The following BCAS3 variants were observed in gnomAD, a reference collection of about 807,000 sequenced individuals.
The protein encoded by BCAS3 is BCAS4/BCAS3 fusion.
BCAS3 carries 53 observed loss-of-function variants against 116.1 expected under a neutral mutation model. The observed-to-expected ratio is 0.46, with a 90% confidence interval of 0.37 to 0.57. The LOEUF (loss-of-function observed/expected upper bound fraction) is 0.57, where lower values mean the gene tolerates loss of function less well. Among genes scored for constraint, BCAS3 ranks in the 20% least tolerant of loss-of-function variants. BCAS3 has a pLI of 0.00. For synonymous variants in BCAS3, 391 were observed against 408.2 expected, an observed-to-expected ratio of 0.96 and a Z score of 0.51; for missense variants, 917 against 1,165.4, an observed-to-expected ratio of 0.79 and a Z score of 3.10.
At position 61,344,848 on chromosome 17, in the gene BCAS3, G is replaced by A. The variant is rs1161018362; in HGVS notation, c.2426-23479G>A. ...AAGTAAGGGACAACCATGGCGAGGA[G>A]TTGCAATGTCACTCCAGCCCCTTGT... On this transcript the variant is annotated intron_variant, in intron 22 of 23. Transcript: ENST00000407086. The surrounding 1 kb of genome is among the most constrained non-coding windows in gnomAD (Gnocchi z 4.1). Among the ~76,000 whole-genome samples the A allele has an allele frequency of 6.6e-6, 1 of 152,042 alleles. No individual in the cohort carries two copies. Among genetic ancestry groups the A allele is most frequent in the Non-Finnish European group, 1.5e-5 (1 of 68,018 alleles).
rs1327731997 is a variant in BCAS3, at chr17:61,098,314, C to A, written c.2425+13750C>A. Among the ~76,000 whole-genome samples, 2 of 152,176 alleles carry A rather than the reference C, an allele frequency of 1.3e-5. No individual in the cohort carries two copies. Among genetic ancestry groups the A allele is most frequent in the Admixed American group, 1.3e-4 (2 of 15,274 alleles). Reference sequence around the variant, plus strand: ...AAAAATAGAGTCTTTGTCCCCCTTTCTGTTCTTAGTATTTAAGAGGCCTTC... The same window carrying A: ...AAAAATAGAGTCTTTGTCCCCCTTTATGTTCTTAGTATTTAAGAGGCCTTC... On this transcript the variant is annotated intron_variant, in intron 22 of 23. Coordinates refer to ENST00000407086, the MANE Select transcript of BCAS3 (RefSeq NM_017679.5). This position sits in a 1 kb window ranked among gnomAD's most constrained non-coding sequence, Gnocchi z 4.2.
Position 60,995,728 on chromosome 17 carries a change from C to A in BCAS3, c.1486+5493C>A, listed in dbSNP as rs969837350. 5.3e-5 allele frequency among the ~76,000 whole-genome samples: 8 copies of A among 152,114 alleles called. No homozygotes were observed. The highest frequency in any genetic ancestry group is 1.9e-4 in the African/African-American group (8 of 41,434). ...TCATAGTAACAACTTAAAAAAACAT[C>A]TCCAAGGTGTAGTCATTTGATCAAC... On this transcript the variant is annotated intron_variant, in intron 15 of 23. Transcript: ENST00000407086. This position sits in a 1 kb window ranked among gnomAD's most constrained non-coding sequence, Gnocchi z 4.7.
chr17:60,759,470 G>A (rs2043301937), intron 6 of BCAS3, among the ~76,000 whole-genome samples: 1 of 152,120 alleles, frequency 6.6e-6, no homozygotes, highest in Admixed American at 6.6e-5. Flanking sequence ...AGAGTGGGGA[G>A]TTGAAGCCCC....
At chr17:61,054,227 T>C (rs1289347782) in intron 19 of BCAS3, among the ~76,000 whole-genome samples, 2 of 152,214 alleles carry the variant, frequency 1.3e-5, no homozygotes, top group Non-Finnish European at 2.9e-5. Flanking sequence ...TGTTTCAACA[T>C]TAAAAGTTCT....
chr17:60,816,516 G>C (rs979044258), intron 7 of BCAS3, among the ~76,000 whole-genome samples: 2 of 151,852 alleles, frequency 1.3e-5, no homozygotes, highest in Non-Finnish European at 2.9e-5. Context: ...CTCGTGATCC[G>C]CCCGCCTCGG....
At chr17:60,919,479 C>T (rs1199666158) in intron 12 of BCAS3, among the ~76,000 whole-genome samples, 1 of 152,092 alleles carries the variant, frequency 6.6e-6, no homozygotes, top group Non-Finnish European at 1.5e-5. Flanking sequence ...TGTGTGCCAC[C>T]ACGCCCAGCT....
intron 6 of BCAS3, among the ~76,000 whole-genome samples, chr17:60,755,100 C>G (rs2042879450): frequency 1.3e-5 from 2 of 152,026 alleles, no homozygotes; most frequent in African/African-American, 4.8e-5. Context: ...AACAGTGTTT[C>G]TAGGGGAGAA....
rs967345681 is a variant in BCAS3, at chr17:61,088,740, A to G, written c.2425+4176A>G. Among the ~76,000 whole-genome samples the G allele has an allele frequency of 2.6e-5, 4 of 152,232 alleles. No homozygotes were observed. The highest frequency in any genetic ancestry group is 4.4e-5 in the Non-Finnish European group (3 of 68,040). On this transcript the variant is annotated intron_variant, in intron 22 of 23. Transcript: ENST00000407086. This position sits in a 1 kb window ranked among gnomAD's most constrained non-coding sequence, Gnocchi z 4.2. Reference sequence around the variant, plus strand: ...GTTTGTCCTGATTTGTGGTTTTACTATGGAGATGGATGTTTACTAACAAAG... The same window carrying G: ...GTTTGTCCTGATTTGTGGTTTTACTGTGGAGATGGATGTTTACTAACAAAG...
chr17:60,953,610 C>T (rs2060961545), intron 14 of BCAS3, among the ~76,000 whole-genome samples: 1 of 151,982 alleles, frequency 6.6e-6, no homozygotes, highest in Non-Finnish European at 1.5e-5. Flanking sequence ...GTTGTGATTG[C>T]TTTTGGTGTC....
In BCAS3 at chr17:61,235,526, G is replaced by C. The variant is rs1193214082; in HGVS notation, c.2426-132801G>C. Among the ~76,000 whole-genome samples the C allele has an allele frequency of 2.0e-5, 3 of 152,128 alleles. No individual in the cohort carries two copies. The highest frequency in any genetic ancestry group is 4.4e-5 in the Non-Finnish European group (3 of 68,030). On this transcript the variant is annotated intron_variant, in intron 22 of 23. Coordinates refer to ENST00000407086, the MANE Select transcript of BCAS3 (RefSeq NM_017679.5). The surrounding 1 kb of genome is among the most constrained non-coding windows in gnomAD (Gnocchi z 5.0). ...AATTTCATTCCAAACAGATTGTGAG[G>C]TGACTACGTAGTACAGAAGTACAGT...
intron 6 of BCAS3, among the ~76,000 whole-genome samples, chr17:60,766,501 T>G (rs2044109199): frequency 6.6e-6 from 1 of 152,224 alleles, no homozygotes; most frequent in Non-Finnish European, 1.5e-5. Context: ...AGACCCTCTT[T>G]GCCTGGGTAC....
intron 13 of BCAS3, among the ~76,000 whole-genome samples, chr17:60,933,023 A>C (rs967660576): frequency 6.6e-6 from 1 of 151,800 alleles, no homozygotes; most frequent in Non-Finnish European, 1.5e-5. Flanking sequence ...AAAAATACAA[A>C]AATTAGCTGG....
intron 12 of BCAS3, among the ~76,000 whole-genome samples, chr17:60,912,453 G>A (rs748380840): frequency 1.3e-4 from 19 of 151,992 alleles, no homozygotes; most frequent in Admixed American, 3.3e-4. Flanking sequence ...GATTAACAGC[G>A]TTTCAAGAAA....
At chr17:60,963,778 A>G (rs969025016) in intron 14 of BCAS3, among the ~76,000 whole-genome samples, 2 of 152,072 alleles carry the variant, frequency 1.3e-5, no homozygotes, top group Non-Finnish European at 2.9e-5. Flanking sequence ...GATGGTCTCG[A>G]TCTCCTGACC....
intron 22 of BCAS3, among the ~76,000 whole-genome samples, chr17:61,236,341 A>G (rs949238294): frequency 5.3e-5 from 8 of 152,112 alleles, no homozygotes; most frequent in Non-Finnish European, 1.2e-4. Context: ...TTGTTTTGAG[A>G]TGGAGTCTCG....
At chr17:61,263,978 T>C (rs1048057216) in intron 22 of BCAS3, among the ~76,000 whole-genome samples, 16 of 152,154 alleles carry the variant, frequency 1.1e-4, no homozygotes, top group Non-Finnish European at 1.3e-4. Flanking sequence ...TCATACACTG[T>C]TGGTAGAAGT....
At chr17:61,195,669 G>A (rs185563240) in intron 22 of BCAS3, among the ~76,000 whole-genome samples, 2 of 151,384 alleles carry the variant, frequency 1.3e-5, no homozygotes, top group Admixed American at 6.6e-5. Flanking sequence ...GTGAGCCACC[G>A]CACCCGGCCC....
chr17:60,966,165 C>T (rs2061650415), intron 14 of BCAS3, among the ~76,000 whole-genome samples: 1 of 152,068 alleles, frequency 6.6e-6, no homozygotes, highest in Non-Finnish European at 1.5e-5. Flanking sequence ...TTTTGGTTTC[C>T]AGATACGTGG....
intron 22 of BCAS3, among the ~76,000 whole-genome samples, chr17:61,149,974 A>G (rs1303939943): frequency 6.6e-6 from 1 of 152,198 alleles, no homozygotes; most frequent in Non-Finnish European, 1.5e-5. Context: ...CAATTTAACA[A>G]GACTGTACAA....
Sources: gnomAD v4.1 joint callset for allele counts (sites outside exome capture counted in the v4.1 genomes callset) on GRCh38, gnomAD v4.1.1 for gene constraint, Gnocchi (gnomAD v3.1) non-coding constraint, MANE v1.5 for transcripts, NCBI Gene and HGNC (gene_info 2026-07-23, HGNC 2026-07-21) for gene names.